Variants in IL10RA observed in about 807,000 individuals in gnomAD.
IL10RA encodes the protein interleukin 10 receptor subunit alpha.
A neutral mutation model predicts 29.6 loss-of-function variants in IL10RA; 18 were observed. That is an observed-to-expected ratio of 0.61 (90% CI 0.42 to 0.90). The LOEUF (loss-of-function observed/expected upper bound fraction) is 0.90, where lower values mean the gene tolerates loss of function less well. IL10RA is among the 40% of genes least tolerant of loss of function. The pLI is 0.00. For missense variants in IL10RA, 634 were observed against 716.6 expected (o/e 0.88, Z 1.32); for synonymous variants, 292 against 294.1 (o/e 0.99, Z 0.07).
Position 117,993,331 on chromosome 11 carries a change from C to T in IL10RA, c.458C>T (p.Ala153Val), listed in dbSNP as rs752413943. 7 of 1,613,568 alleles carry T rather than the reference C, an allele frequency of 4.3e-6. 1 individual carries two copies. The Admixed American group carries it at 6.7e-5, about 15-fold the overall frequency. ...IQLPRPKMAP[A>V]NDTYESIFSH... ...CTACCCAGGCCCAAGATGGCCCCCG[C>T]AAATGACACATATGAAAGCATCTTC... is the stretch of plus-strand genomic sequence containing the variant. The change falls in exon 4 of 7, where the codon GCA becomes GTA. Residue 153 changes from alanine (A) to valine (V), a missense_variant. Ala to Val is a moderately conservative substitution (Grantham distance 64). Coordinates refer to ENST00000227752, the MANE Select transcript of IL10RA (RefSeq NM_001558.4).
chr11:117,993,255 G>A lies in IL10RA; in HGVS notation c.382G>A (p.Gly128Ser). ...FSVDEVTLTV[G>S]SVNLEIHNGF... ...ACTCCATTTAGTGACTCTGACAGTT[G>A]GCAGTGTGAACCTAGAGATCCACAA... Residue 128 changes from glycine (G) to serine (S), a missense_variant, in exon 4 of 7, where the codon GGC becomes AGC. By Grantham distance (56) the Gly-to-Ser change is moderately conservative. Transcript: ENST00000227752. 1.2e-6 allele frequency: 2 copies of A among 1,614,050 alleles called. No individual in the cohort carries two copies. Among genetic ancestry groups the A allele is most frequent in the South Asian group, 2.2e-5 (2 of 91,052 alleles).
At position 117,994,192 on chromosome 11, in the gene IL10RA, G is replaced by A. The variant is rs753085185; in HGVS notation, c.688+43G>A. ...CTCTCAGCATGGGGAGGGAGACTGG[G>A]AGGGCCTGGTGCAATCCAAAACGCG... is the stretch of plus-strand genomic sequence containing the variant. On this transcript the variant is annotated intron_variant, in intron 5 of 6. Transcript: ENST00000227752. 19 of 1,601,588 alleles carry A rather than the reference G, an allele frequency of 1.2e-5. No homozygotes were observed. The African/African-American group carries it at 2.3e-4, about 19-fold the overall frequency.
intron 6 of IL10RA, among the ~76,000 whole-genome samples, chr11:117,995,911 G>A (rs1048936373): frequency 6.6e-6 from 1 of 152,160 alleles, no homozygotes; most frequent in Non-Finnish European, 1.5e-5. Flanking sequence ...TACCGAGAAT[G>A]TTGCCATCCA....
chr11:117,987,180 C>A (rs762806932), intron 1 of IL10RA: 12 of 303,298 alleles, frequency 4.0e-5, no homozygotes, highest in Non-Finnish European at 6.6e-5. Flanking sequence ...GGACCAAGAG[C>A]AGAGACAGAG....
At chr11:117,994,805 C>A (rs1417290220) in intron 5 of IL10RA, among the ~76,000 whole-genome samples, 1 of 152,154 alleles carries the variant, frequency 6.6e-6, no homozygotes, top group African/African-American at 2.4e-5. Flanking sequence ...TCTGGGAGGG[C>A]CCAGTCCAGT....
In IL10RA at chr11:117,989,495, A is replaced by G. The variant is rs1473281375; in HGVS notation, c.242A>G (p.Tyr81Cys). 21 of 1,614,064 alleles carry G rather than the reference A, an allele frequency of 1.3e-5. No individual in the cohort carries two copies. The Admixed American group carries it at 3.0e-4, about 23-fold the overall frequency. Residue 81 changes from tyrosine to cysteine, a missense_variant, in exon 3 of 7, where the codon TAT (tyrosine) becomes TGT (cysteine). Physicochemically the swap from Tyr to Cys is radical, Grantham distance 194. Transcript: ENST00000227752. This position sits in a 1 kb window ranked among gnomAD's most constrained non-coding sequence, Gnocchi z 4.5. The stretch of plus-strand genomic sequence containing the variant: ...TCCAACTGTAGCCAGACCCTGTCCT[A>G]TGACCTTACCGCAGTGACCTTGGAC... ...SISNCSQTLS[Y>C]DLTAVTLDLY...
intron 3 of IL10RA, among the ~76,000 whole-genome samples, chr11:117,991,938 T>C (rs963577473): frequency 6.6e-5 from 10 of 152,214 alleles, no homozygotes; most frequent in Non-Finnish European, 1.2e-4. Context: ...TTTCACCATG[T>C]TGGCCAGGCT....
chr11:117,988,432 C>T lies in IL10RA; in HGVS notation c.118C>T (p.His40Tyr), dbSNP rs2058001533. The T allele has an allele frequency of 6.2e-7, 1 of 1,614,042 alleles. No individual in the cohort carries two copies. The highest frequency in any genetic ancestry group is 1.3e-5 in the African/African-American group (1 of 74,902). The change falls in exon 2 of 7, where the codon CAC (histidine) becomes TAC (tyrosine). Residue 40 changes from histidine (H) to tyrosine (Y), a missense_variant. Transcript: ENST00000227752. ...TGTGTGGTTTGAAGCAGAATTTTTC[C>T]ACCACATCCTCCACTGGACACCCAT... Reference protein sequence around the residue: ...PSVWFEAEFFHHILHWTPIPN... With the variant: ...PSVWFEAEFFYHILHWTPIPN...
At position 117,986,759 on chromosome 11, in the gene IL10RA, C is replaced by T. The variant is rs1246445337; in HGVS notation, c.67+225C>T. 4 of 1,531,532 alleles carry T rather than the reference C, an allele frequency of 2.6e-6. No homozygotes were observed. In the African/African-American group the frequency reaches 4.1e-5, roughly 16 times the overall value. The allele number at this position is 1,531,532 out of a possible 1,614,324, so 94.9% of individuals were successfully genotyped here. A position where few individuals can be genotyped will look rare whatever the true frequency, so the allele number is the denominator to read the frequency against. ...ATTGGGAAGGATAGAGAAGTATGCG[C>T]AAGGCCAAACCCCCAACCCGCAAAC... On this transcript the variant is annotated intron_variant, in intron 1 of 6. Transcript: ENST00000227752.
At chr11:117,988,341 G>GC (rs750443541) in intron 1 of IL10RA, 41 bp from the exon 2 acceptor site, 199 of 1,613,078 alleles carry the variant, frequency 1.2e-4, no homozygotes, top group Middle Eastern at 5.2e-4. Flanking sequence ...ATCAATGCCT[G>GC]CCCCCCCTCC....
rs758873001 is a variant in IL10RA, at chr11:117,989,410, C to G, written c.189-32C>G. ...AAGGAGGTAGGATTGAGCACAAGCT[C>G]GTTTCCAGTGCCTAACCTGGTATCT... On this transcript the variant is annotated intron_variant, in intron 2 of 6. Coordinates refer to ENST00000227752, the MANE Select transcript of IL10RA (RefSeq NM_001558.4). This position sits in a 1 kb window ranked among gnomAD's most constrained non-coding sequence, Gnocchi z 4.5. The G allele has an allele frequency of 2.5e-6, 4 of 1,599,956 alleles. No homozygotes were observed. The highest frequency in any genetic ancestry group is 2.2e-5 in the East Asian group (1 of 44,798).
Position 117,998,754 on chromosome 11 carries a change from C to A in IL10RA, c.850C>A (p.Arg284Ser). The A allele has an allele frequency of 6.2e-7, 1 of 1,614,166 alleles. No individual in the cohort carries two copies. Among genetic ancestry groups the A allele is most frequent in the South Asian group, 1.1e-5 (1 of 91,080 alleles). Reference sequence around the variant, plus strand: ...CAGCCCCTTCATCTTCATCAGCCAGCGTCCCTCCCCAGAGACCCAAGACAC... The same window carrying A: ...CAGCCCCTTCATCTTCATCAGCCAGAGTCCCTCCCCAGAGACCCAAGACAC... ...KPSPFIFISQ[R>S]PSPETQDTIH... is the part of the protein sequence containing the mutation. The change falls in exon 7 of 7, where the codon CGT becomes AGT. Residue 284 changes from arginine (R) to serine (S), a missense_variant. Arg to Ser is a moderately radical substitution (Grantham distance 110, BLOSUM62 -1). Transcript: ENST00000227752.
rs1421875876 is a variant in IL10RA at position 117,993,335 on chromosome 11, T to C, written c.462T>C (p.Asn154=). The C allele has an allele frequency of 6.2e-7, 1 of 1,613,922 alleles. No homozygotes were observed. Among genetic ancestry groups the C allele is most frequent in the East Asian group, 2.2e-5 (1 of 44,904 alleles). ...QLPRPKMAPA[N]DTYESIFSHF... ...CCAGGCCCAAGATGGCCCCCGCAAA[T>C]GACACATATGAAAGCATCTTCAGTC... Residue 154 remains asparagine, a synonymous_variant, in exon 4 of 7, where the codon AAT becomes AAC. Coordinates refer to ENST00000227752, the MANE Select transcript of IL10RA (RefSeq NM_001558.4).
downstream of IL10RA, chr11:118,001,505 G>C (rs1454578452): frequency 2.5e-6 from 1 of 392,382 alleles, no homozygotes; most frequent in Non-Finnish European, 5.0e-6. Flanking sequence ...TAGTCAGATT[G>C]CTGATGGCAC....
In IL10RA at chr11:117,999,491, C is replaced by A. The variant is rs746141402; in HGVS notation, c.1587C>A (p.Ser529Arg). Residue 529 changes from serine to arginine, a missense_variant, in exon 7 of 7, where the codon AGC (serine) becomes AGA (arginine). Physicochemically the swap from Ser to Arg is moderately radical, Grantham distance 110. Coordinates refer to ENST00000227752, the MANE Select transcript of IL10RA (RefSeq NM_001558.4). ...AGGAATGGTCACTCCTGGCCTTGAG[C>A]AGCTGCAGTGACCTGGGAATATCTG... ...PTEEWSLLAL[S>R]SCSDLGISDW... 3.7e-6 allele frequency: 6 copies of A among 1,614,218 alleles called. No homozygotes were observed. In the East Asian group the frequency reaches 1.1e-4, roughly 30 times the overall value.
At chr11:118,002,814 G>A (rs1348254925), downstream of IL10RA, 2 of 152,252 alleles carry the variant, frequency 1.3e-5, no homozygotes, top group African/African-American at 4.8e-5. Flanking sequence ...GGGCTGATGA[G>A]ACACTTGCAG....
chr11:117,987,399 G>C (rs1196161847), intron 1 of IL10RA: 1 of 159,902 alleles, frequency 6.3e-6, no homozygotes. Flanking sequence ...AGAGACAGAT[G>C]ACAGAGTCCT....
In IL10RA at chr11:118,000,364, C is replaced by T. The variant is rs1282416803; in HGVS notation, c.*723C>T. 2.2e-6 allele frequency: 1 copy of T among 454,132 alleles called. No homozygotes were observed. The highest frequency in any genetic ancestry group is 4.4e-6 in the Non-Finnish European group (1 of 226,800). 28.1% of individuals were successfully genotyped at this position (454,132 alleles called of 1,614,324 possible). On this transcript the variant is annotated 3_prime_UTR_variant, in exon 7 of 7. Coordinates refer to ENST00000227752, the MANE Select transcript of IL10RA (RefSeq NM_001558.4). ...CCCATCTGCAAATATCTCCCTCTCT[C>T]CAACAAATGGAGTAGCATCCCCCTG... is the stretch of plus-strand genomic sequence containing the variant.
chr11:117,998,695 C>CT lies in IL10RA; in HGVS notation c.811-19dup. The CT allele has an allele frequency of 6.2e-7, 1 of 1,611,886 alleles. No individual in the cohort carries two copies. Among genetic ancestry groups the CT allele is most frequent in the African/African-American group, 1.3e-5 (1 of 75,014 alleles). On this transcript the variant is annotated intron_variant, in intron 6 of 6. Transcript: ENST00000227752. ...TGGAAGGTGACTCCTGCTTCTCTCACTCTGCCCTCTCTTCCCCAGCTCTTC... is the reference window on the plus strand; with the variant it reads ...TGGAAGGTGACTCCTGCTTCTCTCACTTCTGCCCTCTCTTCCCCAGCTCTTC...
Sources: gnomAD v4.1 joint callset for allele counts (sites outside exome capture counted in the v4.1 genomes callset) on GRCh38, gnomAD v4.1.1 for gene constraint, Gnocchi (gnomAD v3.1) non-coding constraint, MANE v1.5 for transcripts, NCBI Gene and HGNC (gene_info 2026-07-23, HGNC 2026-07-21) for gene names.